The following BTBD9 variants were observed in gnomAD, a reference collection of about 807,000 sequenced individuals.
BTBD9 encodes the protein BTB domain containing 9.
Under a neutral mutation model 64.3 loss-of-function variants are expected in BTBD9, and 49 were observed. That is an observed-to-expected ratio of 0.76 (90% CI 0.61 to 0.97). The LOEUF (loss-of-function observed/expected upper bound fraction) is 0.97. Among genes scored for constraint, BTBD9 ranks in the 50% least tolerant of loss-of-function variants. The pLI, the probability that BTBD9 is intolerant of heterozygous loss-of-function variation, is 0.00. For synonymous variants in BTBD9, 260 were observed against 274.7 expected, an observed-to-expected ratio of 0.95 and a Z score of 0.53; for missense variants, 598 against 762.1, an observed-to-expected ratio of 0.78 and a Z score of 2.53.
At chr6:38,372,219 GT>G (rs1242972296) in intron 6 of BTBD9, among the ~76,000 whole-genome samples, 1 of 152,172 alleles carries the variant, frequency 6.6e-6, no homozygotes, top group Admixed American at 6.5e-5. Context: ...AAAATCTAAA[GT>G]GATTAAAATT....
chr6:38,473,801 G>C (rs577130733), intron 6 of BTBD9, among the ~76,000 whole-genome samples: 1 of 152,126 alleles, frequency 6.6e-6, no homozygotes, highest in Non-Finnish European at 1.5e-5. Context: ...AAAAATACTT[G>C]GTATGGAGGA....
In BTBD9 at chr6:38,490,039, G is replaced by A. The variant is rs77959114; in HGVS notation, c.1154+87561C>T. Among the ~76,000 whole-genome samples, 737 of 152,252 alleles carry A rather than the reference G, an allele frequency of 4.8e-3. 10 individuals are homozygous for A. Among genetic ancestry groups the A allele is most frequent in the Middle Eastern group, 0.017 (5 of 292 alleles). ...AATGCCATATAAGGGATGATCTACCGAAGCTGGCTAATGACCTATTAGTTT... is the reference window on the plus strand; with the variant it reads ...AATGCCATATAAGGGATGATCTACCAAAGCTGGCTAATGACCTATTAGTTT... On this transcript the variant is annotated intron_variant, in intron 6 of 10. Coordinates refer to ENST00000481247, the MANE Select transcript of BTBD9 (RefSeq NM_001099272.2).
intron 7 of BTBD9, among the ~76,000 whole-genome samples, chr6:38,327,615 A>G (rs1007063834): frequency 6.6e-6 from 1 of 152,226 alleles, no homozygotes; most frequent in Non-Finnish European, 1.5e-5. Context: ...TTTTAAGTGT[A>G]CAATGTGAGT....
At position 38,496,953 on chromosome 6, in the gene BTBD9, C is replaced by T. The variant is rs537997647; in HGVS notation, c.1154+80647G>A. ...AAAGTAGCCAGGGCCTAGCCACATG[C>T]TCTCACCAAGATCCACCCTGAAGGT... On this transcript the variant is annotated intron_variant, in intron 6 of 10. Coordinates refer to ENST00000481247, the MANE Select transcript of BTBD9 (RefSeq NM_001099272.2). Among the ~76,000 whole-genome samples the T allele has an allele frequency of 2.0e-5, 3 of 152,312 alleles. No homozygotes were observed. In the South Asian group the frequency reaches 6.2e-4, roughly 32 times the overall value.
At chr6:38,593,045 G>A (rs1776878387) in intron 3 of BTBD9, among the ~76,000 whole-genome samples, 1 of 152,026 alleles carries the variant, frequency 6.6e-6, no homozygotes, top group African/African-American at 2.4e-5. Flanking sequence ...TTATGTTCAG[G>A]TATCTTGTAC....
rs114482223 is a variant in BTBD9, at chr6:38,287,751, G to A, written c.1454+521C>T. 2.8e-3 allele frequency among the ~76,000 whole-genome samples: 420 copies of A among 152,218 alleles called. 2 individuals are homozygous for A. Among genetic ancestry groups the A allele is most frequent in the South Asian group, 6.4e-3 (31 of 4,822 alleles). The stretch of plus-strand genomic sequence containing the variant: ...CAATGCATGACTGTATATCCTCTGA[G>A]GGATATCACCAGTCTCACGTTTAAA... On this transcript the variant is annotated intron_variant, in intron 8 of 10. Transcript: ENST00000481247.
intron 6 of BTBD9, among the ~76,000 whole-genome samples, chr6:38,529,270 G>T (rs1439751131): frequency 1.3e-5 from 2 of 152,132 alleles, no homozygotes; most frequent in African/African-American, 2.4e-5. Context: ...CCATTTGTTT[G>T]GGGGAAAGAA....
chr6:38,600,722 T>C lies in BTBD9; in HGVS notation c.-27-2601A>G, dbSNP rs141032181. On this transcript the variant is annotated intron_variant, in intron 1 of 10. Transcript: ENST00000481247. ...ACTCATATTACTTACTAAATGACTC[T>C]TGATGAACAACGATTGATTTTTGGT... Among the ~76,000 whole-genome samples the C allele has an allele frequency of 1.1e-3, 173 of 152,324 alleles. 2 individuals carry two copies. The East Asian group carries it at 0.014, about 12-fold the overall frequency.
intron 6 of BTBD9, among the ~76,000 whole-genome samples, chr6:38,564,789 G>C (rs898500264): frequency 6.6e-6 from 1 of 152,150 alleles, no homozygotes; most frequent in Non-Finnish European, 1.5e-5. Flanking sequence ...CTACTCGGGA[G>C]GCTGAGGCAG....
At chr6:38,426,071 G>A (rs1768134764) in intron 6 of BTBD9, among the ~76,000 whole-genome samples, 1 of 151,854 alleles carries the variant, frequency 6.6e-6, no homozygotes, top group South Asian at 2.1e-4. Context: ...CCTCCAGGTG[G>A]AGAGGAGGGG....
At chr6:38,231,530 T>C (rs1395699018) in intron 9 of BTBD9, among the ~76,000 whole-genome samples, 1 of 152,250 alleles carries the variant, frequency 6.6e-6, no homozygotes, top group Non-Finnish European at 1.5e-5. Context: ...GCAAGGATAA[T>C]TCTGATTTCA....
intron 6 of BTBD9, among the ~76,000 whole-genome samples, chr6:38,365,758 C>CAAA (rs34375597): frequency 5.2e-5 from 6 of 115,856 alleles, no homozygotes; most frequent in Non-Finnish European, 9.2e-5. Context: ...GATCCTGACT[C>CAAA]AAAAAAAAAA....
At chr6:38,596,167 T>A in intron 2 of BTBD9, 1 of 570,898 alleles carries the variant, frequency 1.8e-6, no homozygotes, top group Non-Finnish European at 2.2e-6. Flanking sequence ...AGAACCTGTC[T>A]AAGGTAGCAT....
chr6:38,599,137 C>A (rs952647353), intron 1 of BTBD9, among the ~76,000 whole-genome samples: 3 of 152,056 alleles, frequency 2.0e-5, no homozygotes, highest in Admixed American at 6.5e-5. Flanking sequence ...TTTCCAGGCA[C>A]CTTCCTTGCT....
intron 8 of BTBD9, among the ~76,000 whole-genome samples, chr6:38,284,283 GCT>G (rs992970691): frequency 6.6e-6 from 1 of 151,886 alleles, no homozygotes; most frequent in African/African-American, 2.4e-5. Flanking sequence ...CATCATCCCC[GCT>G]CTGAGTCAGG....
chr6:38,356,975 ACT>A (rs1007405693), intron 6 of BTBD9, among the ~76,000 whole-genome samples: 1 of 152,136 alleles, frequency 6.6e-6, no homozygotes, highest in African/African-American at 2.4e-5. Flanking sequence ...TTACTGAGTT[ACT>A]GAGAGGTAGG....
At chr6:38,323,048 C>G (rs1262933522) in intron 7 of BTBD9, among the ~76,000 whole-genome samples, 12 of 152,192 alleles carry the variant, frequency 7.9e-5, no homozygotes, top group Admixed American at 7.9e-4. Flanking sequence ...TGATTTCATT[C>G]TAGCTGAGAC....
intron 8 of BTBD9, among the ~76,000 whole-genome samples, chr6:38,276,909 A>G (rs1019939933): frequency 1.3e-5 from 2 of 152,240 alleles, no homozygotes; most frequent in Non-Finnish European, 2.9e-5. Context: ...GGTATGCCGT[A>G]AAATTTCTGA....
At chr6:38,208,880 T>C (rs1166059170) in intron 9 of BTBD9, among the ~76,000 whole-genome samples, 1 of 152,156 alleles carries the variant, frequency 6.6e-6, no homozygotes. Context: ...ACTGCAGACC[T>C]GAGGCAGCAA....
Sources: gnomAD v4.1 joint callset for allele counts (sites outside exome capture counted in the v4.1 genomes callset) on GRCh38, gnomAD v4.1.1 for gene constraint, MANE v1.5 for transcripts, NCBI Gene and HGNC (gene_info 2026-07-23, HGNC 2026-07-21) for gene names.